Variants in SLC35F5 observed in about 807,000 individuals in gnomAD.
The protein encoded by SLC35F5 is solute carrier family 35 member F5.
A neutral mutation model predicts 68.6 loss-of-function variants in SLC35F5; 54 were observed. That is an observed-to-expected ratio of 0.79 (90% CI 0.63 to 0.99). The LOEUF (loss-of-function observed/expected upper bound fraction) is 0.99. Ranked by LOEUF, SLC35F5 falls within the 50% of genes least tolerant of loss-of-function variation. The probability of loss-of-function intolerance (pLI) is 0.00; values close to 1 mark genes in which losing one functional copy is unlikely to be tolerated. For missense variants in SLC35F5, 567 were observed against 626.9 expected (o/e 0.90, Z 1.02); for synonymous variants, 211 against 205.2 (o/e 1.03, Z -0.24).
Position 113,723,085 on chromosome 2 carries a change from TAATA to T in SLC35F5, c.1341+15_1341+18del. ...ATAACACACCTAAAATATCTATGAA[TAATA>T]AATAGTTTCCTTACCTTTTGCATAC... On this transcript the variant is annotated intron_variant, in intron 13 of 15. Coordinates refer to ENST00000245680, the MANE Select transcript of SLC35F5 (RefSeq NM_025181.5). 1.3e-6 allele frequency: 2 copies of T among 1,499,080 alleles called. No individual in the cohort carries two copies. The highest frequency in any genetic ancestry group is 1.8e-6 in the Non-Finnish European group (2 of 1,115,336). The allele number at this position is 1,499,080 out of a possible 1,614,324, so 92.9% of individuals were successfully genotyped here.
Position 113,710,783 on chromosome 2 carries a change from G to T in SLC35F5, c.*4435C>A, listed in dbSNP as rs1321071832. Among the ~76,000 whole-genome samples the T allele has an allele frequency of 2.0e-5, 3 of 146,454 alleles. No homozygotes were observed. The highest frequency in any genetic ancestry group is 2.5e-5 in the African/African-American group (1 of 40,366). On this transcript the variant is annotated 3_prime_UTR_variant, in exon 16 of 16. Coordinates refer to ENST00000245680, the MANE Select transcript of SLC35F5 (RefSeq NM_025181.5). ...AGACCCCATCTCAAAAAAAAAAAAAGAATTTCATCTCATGTCAAAAATAAG... is the reference window on the plus strand; with the variant it reads ...AGACCCCATCTCAAAAAAAAAAAAATAATTTCATCTCATGTCAAAAATAAG...
chr2:113,718,582 G>A (rs1273981391), intron 14 of SLC35F5, among the ~76,000 whole-genome samples: 6 of 152,090 alleles, frequency 3.9e-5, no homozygotes, highest in African/African-American at 1.4e-4. Flanking sequence ...AATCACTTGT[G>A]GTTGGGAATT....
intron 7 of SLC35F5, among the ~76,000 whole-genome samples, chr2:113,738,247 C>T (rs1223621957): frequency 1.3e-5 from 2 of 152,112 alleles, no homozygotes; most frequent in East Asian, 1.9e-4. Context: ...TTGACCAACA[C>T]GTCCCCATTT....
At chr2:113,742,491 A>T in intron 7 of SLC35F5, 1 of 594,540 alleles carries the variant, frequency 1.7e-6, no homozygotes, top group Non-Finnish European at 3.0e-6. Context: ...TATAGGACTT[A>T]ATGAATTCTA....
chr2:113,756,100 C>A, intron 1 of SLC35F5: 1 of 1,447,732 alleles, frequency 6.9e-7, no homozygotes, highest in Non-Finnish European at 9.1e-7. Flanking sequence ...AAGAAATCAT[C>A]CTTCTGTTTT....
At position 113,717,723 on chromosome 2, in the gene SLC35F5, T is replaced by C. The variant is rs375075573; in HGVS notation, c.*22+30A>G. On this transcript the variant is annotated intron_variant, in intron 15 of 15. Coordinates refer to ENST00000245680, the MANE Select transcript of SLC35F5 (RefSeq NM_025181.5). ...GAATATTACACAGATAAGAACCTTA[T>C]TCAATACTAAACCCAGCTCACATAC... 1.8e-5 allele frequency: 25 copies of C among 1,390,724 alleles called. No individual in the cohort carries two copies. In the Admixed American group the frequency reaches 3.9e-4, roughly 22 times the overall value. 86.1% of individuals were successfully genotyped at this position (1,390,724 alleles called of 1,614,324 possible).
chr2:113,755,987 G>T, intron 1 of SLC35F5: 2 of 1,541,606 alleles, frequency 1.3e-6, no homozygotes, highest in Non-Finnish European at 8.8e-7. Flanking sequence ...GGTCTTGAAG[G>T]CACCTTTCCA....
chr2:113,741,481 C>A (rs1676271740), intron 7 of SLC35F5, among the ~76,000 whole-genome samples: 2 of 152,016 alleles, frequency 1.3e-5, no homozygotes, highest in Admixed American at 1.3e-4. Context: ...CAGGGGGAAT[C>A]ACCTGAGGTC....
intron 7 of SLC35F5, among the ~76,000 whole-genome samples, chr2:113,737,445 T>C (rs1411135865): frequency 1.3e-5 from 2 of 152,216 alleles, no homozygotes; most frequent in Non-Finnish European, 2.9e-5. Context: ...ATATCAAACA[T>C]ATATGGCAAG....
intron 7 of SLC35F5, among the ~76,000 whole-genome samples, chr2:113,737,916 AT>A (rs1161515535): frequency 6.6e-6 from 1 of 151,882 alleles, no homozygotes; most frequent in Non-Finnish European, 1.5e-5. Flanking sequence ...ATAGCAAATA[AT>A]TAATATATTT....
intron 11 of SLC35F5, among the ~76,000 whole-genome samples, chr2:113,728,033 C>T (rs193245714): frequency 4.1e-4 from 62 of 152,066 alleles, no homozygotes; most frequent in Non-Finnish European, 8.1e-4. Flanking sequence ...ACTCTGTTAC[C>T]CAGGCTAGAG....
At chr2:113,753,500 T>C (rs185075309) in intron 3 of SLC35F5, among the ~76,000 whole-genome samples, 1 of 152,300 alleles carries the variant, frequency 6.6e-6, no homozygotes, top group East Asian at 1.9e-4. Context: ...TTAATGAGCA[T>C]AACTGGTTGA....
At position 113,708,994 on chromosome 2, in the gene SLC35F5, A is replaced by G. The variant is rs1686884783; in HGVS notation, c.*6224T>C. Among the ~76,000 whole-genome samples, 1 of 152,246 alleles carries G rather than the reference A, an allele frequency of 6.6e-6. No homozygotes were observed. The highest frequency in any genetic ancestry group is 2.4e-5 in the African/African-American group (1 of 41,462). On this transcript the variant is annotated 3_prime_UTR_variant, in exon 16 of 16. Transcript: ENST00000245680. ...GATTCCAACTGTACTCAAATATAAT[A>G]CAACTTCTTCAATGCTGCTTTATAA...
At chr2:113,739,402 G>T (rs897024827) in intron 7 of SLC35F5, among the ~76,000 whole-genome samples, 1 of 152,050 alleles carries the variant, frequency 6.6e-6, no homozygotes, top group African/African-American at 2.4e-5. Context: ...GCAGTTGGTT[G>T]GATCCAAGGA....
rs1342445119 is a variant in SLC35F5, at chr2:113,714,300, C to T, written c.*918G>A. 1 of 152,062 alleles carries T rather than the reference C, an allele frequency of 6.6e-6. No homozygotes were observed. Among genetic ancestry groups the T allele is most frequent in the African/African-American group, 2.4e-5 (1 of 41,438 alleles). 9.4% of individuals were successfully genotyped at this position (152,062 alleles called of 1,614,324 possible). ...CATCTAGTTCTAGAGTAATCTGGCACATTCATATGTGAAAAAAATTAGAAA... is the reference window on the plus strand; with the variant it reads ...CATCTAGTTCTAGAGTAATCTGGCATATTCATATGTGAAAAAAATTAGAAA... On this transcript the variant is annotated 3_prime_UTR_variant, in exon 16 of 16. Coordinates refer to ENST00000245680, the MANE Select transcript of SLC35F5 (RefSeq NM_025181.5).
chr2:113,746,107 G>A (rs1265940210), intron 5 of SLC35F5, among the ~76,000 whole-genome samples, 170 bp downstream of exon 5: 3 of 152,088 alleles, frequency 2.0e-5, no homozygotes, highest in Non-Finnish European at 4.4e-5. Flanking sequence ...CTAGGCCCCA[G>A]GTAACCCTAA....
rs1392298538 is a variant in SLC35F5, at chr2:113,734,652, G to C, written c.854C>G (p.Ala285Gly). The change falls in exon 9 of 16, where the codon GCT becomes GGT. Residue 285 changes from alanine to glycine, a missense_variant. By Grantham distance (60) the Ala-to-Gly change is moderately conservative (BLOSUM62 0). Coordinates refer to ENST00000245680, the MANE Select transcript of SLC35F5 (RefSeq NM_025181.5). ...STSGLFTLIL[A>G]AVFPSNSGDR... Reference sequence around the variant, plus strand: ...TCCACTGTTACTTGGAAATACTGCAGCAAGGATTAAGGTAAAAAGTCCTAT... The same window carrying C: ...TCCACTGTTACTTGGAAATACTGCACCAAGGATTAAGGTAAAAAGTCCTAT... The C allele has an allele frequency of 6.2e-7, 1 of 1,604,288 alleles. No individual in the cohort carries two copies. The highest frequency in any genetic ancestry group is 8.5e-7 in the Non-Finnish European group (1 of 1,173,074).
Position 113,719,185 on chromosome 2 carries a change from C to A in SLC35F5, c.1465G>T (p.Ala489Ser). The A allele has an allele frequency of 1.2e-6, 2 of 1,606,768 alleles. No homozygotes were observed. The highest frequency in any genetic ancestry group is 1.7e-6 in the Non-Finnish European group (2 of 1,178,500). Residue 489 changes from alanine (A) to serine (S), a missense_variant, in exon 14 of 16, where the codon GCT (alanine) becomes TCT (serine). Ala to Ser is a moderately conservative substitution (Grantham distance 99). Transcript: ENST00000245680. Reference sequence around the variant, plus strand: ...ATTCGATGTTTTCTGCATATAAAAGCAAATATTCTTCTGATTCCCACCATC... The same window carrying A: ...ATTCGATGTTTTCTGCATATAAAAGAAAATATTCTTCTGATTCCCACCATC... Reference protein sequence around the residue: ...PVMVGIRRIFAFICRKHRIQR... With the variant: ...PVMVGIRRIFSFICRKHRIQR...
intron 15 of SLC35F5, 72 bp downstream of exon 15, chr2:113,717,681 T>C: frequency 9.2e-7 from 1 of 1,086,324 alleles, no homozygotes; most frequent in Non-Finnish European, 1.3e-6. Flanking sequence ...CAACTAATTA[T>C]AGAAAATCAA....
Sources: gnomAD v4.1 joint callset for allele counts (sites outside exome capture counted in the v4.1 genomes callset) on GRCh38, gnomAD v4.1.1 for gene constraint, MANE v1.5 for transcripts, NCBI Gene and HGNC (gene_info 2026-07-23, HGNC 2026-07-21) for gene names.